Variants in CACNA1B observed in about 807,000 individuals in gnomAD.
CACNA1B encodes calcium voltage-gated channel subunit alpha1 B, also known as voltage-dependent N-type calcium channel subunit alpha-1B.
A neutral mutation model predicts 247.2 loss-of-function variants in CACNA1B; 70 were observed. That is an observed-to-expected ratio of 0.28 (90% CI 0.23 to 0.35). The LOEUF is 0.35. Among genes scored for constraint, CACNA1B ranks in the 10% least tolerant of loss-of-function variants. The pLI is 1.00. For missense variants in CACNA1B, 2,367 were observed against 3,197.4 expected, an observed-to-expected ratio of 0.74 and a Z score of 6.26; for synonymous variants, 1,231 against 1,294.4, an observed-to-expected ratio of 0.95 and a Z score of 1.05.
chr9:137,930,550 A>G (rs1589014475), intron 6 of CACNA1B, among the ~76,000 whole-genome samples: 1 of 152,330 alleles, frequency 6.6e-6, no homozygotes, highest in African/African-American at 2.4e-5. Flanking sequence ...GGGCACTTGG[A>G]AAGAATGTAT....
At chr9:138,096,825 C>G (rs183672762) in intron 37 of CACNA1B, among the ~76,000 whole-genome samples, 1 of 146,670 alleles carries the variant, frequency 6.8e-6, no homozygotes, top group Non-Finnish European at 1.5e-5. Context: ...CGCAGTGGCC[C>G]GGACTGCATA....
chr9:138,008,040 G>T (rs2133414997), intron 16 of CACNA1B, among the ~76,000 whole-genome samples: 1 of 152,302 alleles, frequency 6.6e-6, no homozygotes, highest in African/African-American at 2.4e-5. Flanking sequence ...GCAGCTCAGG[G>T]CCTGGTCCCC....
At chr9:138,105,097 G>A (rs975035994) in intron 38 of CACNA1B, among the ~76,000 whole-genome samples, 2 of 152,232 alleles carry the variant, frequency 1.3e-5, no homozygotes, top group African/African-American at 4.8e-5. Context: ...GCTGCCTTGC[G>A]CAGAGATGGG....
At chr9:137,890,073 G>A (rs1957075562) in intron 3 of CACNA1B, 1 of 149,270 alleles carries the variant, frequency 6.7e-6, no homozygotes, top group Non-Finnish European at 1.5e-5. Context: ...GTCCTGTGGG[G>A]TCTTCTCTGG....
chr9:138,112,334 G>A, intron 39 of CACNA1B, 64 bp from the exon 40 acceptor site: 1 of 1,178,372 alleles, frequency 8.5e-7, no homozygotes, highest in Non-Finnish European at 1.3e-6. Context: ...TGCCCCATTG[G>A]CGGCTGCAGG....
intron 39 of CACNA1B, 139 bp downstream of exon 39, chr9:138,105,946 G>A (rs1961409993): frequency 1.7e-6 from 1 of 600,500 alleles, no homozygotes; most frequent in Non-Finnish European, 3.0e-6. Flanking sequence ...CAGCTGCACA[G>A]GATACCCACC....
At position 138,069,741 on chromosome 9, in the gene CACNA1B, G is replaced by A; in HGVS notation, c.4669-17G>A. ...AAATAATATGCAAATATCCATCCATGAAAACATCACATGTAGGAAACGGTT... is the reference window on the plus strand; with the variant it reads ...AAATAATATGCAAATATCCATCCATAAAAACATCACATGTAGGAAACGGTT... On this transcript the variant is annotated splice_polypyrimidine_tract_variant and intron_variant, in intron 31 of 46. Coordinates refer to ENST00000371372, the MANE Select transcript of CACNA1B (RefSeq NM_000718.4). The A allele has an allele frequency of 5.0e-6, 8 of 1,603,958 alleles. No homozygotes were observed. Among genetic ancestry groups the A allele is most frequent in the Non-Finnish European group, 6.8e-6 (8 of 1,170,932 alleles).
At chr9:138,045,307 G>C (rs374080877) in intron 21 of CACNA1B, among the ~76,000 whole-genome samples, 1 of 152,146 alleles carries the variant, frequency 6.6e-6, no homozygotes. Context: ...GGGGGTACTC[G>C]GATTGCAGCC....
Position 138,023,584 on chromosome 9 carries a change from C to G in CACNA1B, c.2841C>G (p.Cys947Trp). ...GGCACCAGGATCCGAGCAAGGAGTGCGCCGGCGCCAAGGGCGAGCGGCGCG... is the reference window on the plus strand; with the variant it reads ...GGCACCAGGATCCGAGCAAGGAGTGGGCCGGCGCCAAGGGCGAGCGGCGCG... ...AHRHQDPSKE[C>W]AGAKGERRAR... The change falls in exon 19 of 47, where the codon TGC becomes TGG. Residue 947 changes from cysteine to tryptophan, a missense_variant. By Grantham distance (215) the Cys-to-Trp change is radical. Coordinates refer to ENST00000371372, the MANE Select transcript of CACNA1B (RefSeq NM_000718.4). 9.3e-7 allele frequency: 1 copy of G among 1,078,590 alleles called. No individual in the cohort carries two copies. The highest frequency in any genetic ancestry group is 1.1e-6 in the Non-Finnish European group (1 of 887,228). The allele number at this position is 1,078,590 out of a possible 1,614,324, so 66.8% of individuals were successfully genotyped here.
intron 3 of CACNA1B, among the ~76,000 whole-genome samples, chr9:137,893,231 C>CTT (rs5901127): frequency 7.3e-6 from 1 of 136,798 alleles, no homozygotes; most frequent in Admixed American, 7.3e-5. Context: ...AAAGCTGGCC[C>CTT]TTTTTTTTTT....
chr9:138,021,446 C>T lies in CACNA1B; in HGVS notation c.2268-1565C>T, dbSNP rs562028587. ...ACAAAGGGGCAGGATTTATTGTTCACCTGCCTGGGGTGGGCCGGCTGCAGG... is the reference window on the plus strand; with the variant it reads ...ACAAAGGGGCAGGATTTATTGTTCATCTGCCTGGGGTGGGCCGGCTGCAGG... On this transcript the variant is annotated intron_variant, in intron 18 of 46. Coordinates refer to ENST00000371372, the MANE Select transcript of CACNA1B (RefSeq NM_000718.4). Among the ~76,000 whole-genome samples, 85 of 152,362 alleles carry T rather than the reference C, an allele frequency of 5.6e-4. 1 individual carries two copies. Among genetic ancestry groups the T allele is most frequent in the African/African-American group, 1.9e-3 (79 of 41,592 alleles).
rs1959410595 is a variant in CACNA1B at position 138,054,256 on chromosome 9, A to C, written c.3968+250A>C. 6.6e-6 allele frequency among the ~76,000 whole-genome samples: 1 copy of C among 152,216 alleles called. No individual in the cohort carries two copies. The highest frequency in any genetic ancestry group is 1.5e-5 in the Non-Finnish European group (1 of 68,034). On this transcript the variant is annotated intron_variant, in intron 26 of 46. Transcript: ENST00000371372. This position sits in a 1 kb window ranked among gnomAD's most constrained non-coding sequence, Gnocchi z 4.6. The stretch of plus-strand genomic sequence containing the variant: ...GCACTTCCTCCTCAGCAGAGTCAGG[A>C]ACCAGGCATGTTCTGAGGGACACAG...
In CACNA1B at chr9:138,099,365, G is replaced by A. The variant is rs543392896; in HGVS notation, c.5222+2754G>A. 2.0e-5 allele frequency among the ~76,000 whole-genome samples: 3 copies of A among 152,362 alleles called. No homozygotes were observed. The East Asian group carries it at 5.8e-4, about 29-fold the overall frequency. On this transcript the variant is annotated intron_variant, in intron 37 of 46. Transcript: ENST00000371372. ...TGTGCCTGTGTGTATATGTGTGCAA[G>A]TGAACTGAATGTGCGTGCATGCCTG...
At chr9:137,972,079 A>AT in intron 11 of CACNA1B, among the ~76,000 whole-genome samples, 1 of 149,014 alleles carries the variant, frequency 6.7e-6, no homozygotes, top group Non-Finnish European at 1.5e-5. Context: ...GGTTACCTTC[A>AT]TTTTTCTTTA....
chr9:138,049,131 A>G (rs1359916540), intron 23 of CACNA1B, 78 bp from the exon 24 acceptor site: 3 of 953,334 alleles, frequency 3.1e-6, no homozygotes, highest in Non-Finnish European at 5.2e-6. Context: ...CTGAGATTAC[A>G]GGCATGAGCC....
rs1263609289 is a variant in CACNA1B at position 137,986,898 on chromosome 9, T to G, written c.1974+44T>G. ...ACATTTGCGGCCTGCCCGGCTCCCG[T>G]CTCCCCTGGGTGCTGGGAAGGCGGA... On this transcript the variant is annotated intron_variant, in intron 15 of 46. Coordinates refer to ENST00000371372, the MANE Select transcript of CACNA1B (RefSeq NM_000718.4). This position sits in a 1 kb window ranked among gnomAD's most constrained non-coding sequence, Gnocchi z 6.0. 7.0e-7 allele frequency: 1 copy of G among 1,436,808 alleles called. No homozygotes were observed. 89.0% of individuals were successfully genotyped at this position (1,436,808 alleles called of 1,614,324 possible).
chr9:137,972,020 G>C (rs190702141), intron 11 of CACNA1B, among the ~76,000 whole-genome samples: 1 of 152,120 alleles, frequency 6.6e-6, no homozygotes, highest in African/African-American at 2.4e-5. Context: ...ATTCTGCCCC[G>C]GGTTCCTGAG....
Position 138,023,006 on chromosome 9 carries a change from C to T in CACNA1B, c.2268-5C>T. 1 of 1,497,618 alleles carries T rather than the reference C, an allele frequency of 6.7e-7. No homozygotes were observed. The highest frequency in any genetic ancestry group is 1.4e-5 in the African/African-American group (1 of 69,472). The allele number at this position is 1,497,618 out of a possible 1,614,324, so 92.8% of individuals were successfully genotyped here. ...GGGCCGCGCTCACCGCCAGTCTCCC[C>T]GCAGCAGGCAGCAGAACTCGGCCAA... is the stretch of plus-strand genomic sequence containing the variant. On this transcript the variant is annotated splice_polypyrimidine_tract_variant and splice_region_variant and intron_variant, in intron 18 of 46. Coordinates refer to ENST00000371372, the MANE Select transcript of CACNA1B (RefSeq NM_000718.4).
chr9:137,961,115 C>T (rs573107847), intron 10 of CACNA1B, among the ~76,000 whole-genome samples: 45 of 152,108 alleles, frequency 3.0e-4, no homozygotes, highest in African/African-American at 1.0e-3. Flanking sequence ...GGGAATACAT[C>T]CTAGCTTTAT....
Sources: allele counts gnomAD v4.1 joint callset (sites outside exome capture counted in the v4.1 genomes callset), GRCh38; gene constraint gnomAD v4.1.1; non-coding constraint Gnocchi (gnomAD v3.1); transcripts MANE v1.5; gene names NCBI Gene and HGNC (gene_info 2026-07-23, HGNC 2026-07-21).